The following ACAD8 variants were observed in gnomAD, a reference collection of about 807,000 sequenced individuals.
ACAD8 encodes acyl-CoA dehydrogenase family member 8.
A neutral mutation model predicts 53.1 loss-of-function variants in ACAD8; 47 were observed. That is an observed-to-expected ratio of 0.89 (90% confidence interval 0.70 to 1.13). The LOEUF is 1.13. ACAD8 is among the 50% of genes most tolerant of loss of function. ACAD8 has a pLI of 0.00. For missense variants in ACAD8, 494 were observed against 535.0 expected (o/e 0.92, Z 0.76); for synonymous variants, 198 against 201.3 (o/e 0.98, Z 0.14).
In ACAD8 at chr11:134,265,405, G is replaced by A. The variant is rs1417647944; in HGVS notation, c.*445G>A. The A allele has an allele frequency of 5.5e-6, 1 of 181,308 alleles. No individual in the cohort carries two copies. The highest frequency in any genetic ancestry group is 2.4e-5 in the African/African-American group (1 of 42,466). The allele number at this position is 181,308 out of a possible 1,614,324, so 11.2% of individuals were successfully genotyped here. Reference sequence around the variant, plus strand: ...AATGGAGGAATGCCCTCCTGTCTGTGTCGTTCTCTGTGCCACAGCTACAGA... The same window carrying A: ...AATGGAGGAATGCCCTCCTGTCTGTATCGTTCTCTGTGCCACAGCTACAGA... On this transcript the variant is annotated 3_prime_UTR_variant, in exon 11 of 11. Transcript: ENST00000281182.
chr11:134,255,534 G>C (rs1287086559), intron 1 of ACAD8, among the ~76,000 whole-genome samples: 1 of 152,196 alleles, frequency 6.6e-6, no homozygotes, highest in Non-Finnish European at 1.5e-5. Flanking sequence ...TACAGTAACA[G>C]CAACCCTTGT....
In ACAD8 at chr11:134,261,757, C is replaced by G. The variant is rs1939894017; in HGVS notation, c.959C>G (p.Ala320Gly). The G allele has an allele frequency of 1.2e-6, 2 of 1,613,862 alleles. No individual in the cohort carries two copies. The highest frequency in any genetic ancestry group is 1.7e-6 in the Non-Finnish European group (2 of 1,180,040). Reference protein sequence around the residue: ...ASNQYLQFTLADMATRLVAAR... With the variant: ...ASNQYLQFTLGDMATRLVAAR... ...CTGCAGTACTTGCAATTCACACTGGCTGATATGGCAACAAGGCTGGTGGCC... is the reference window on the plus strand; with the variant it reads ...CTGCAGTACTTGCAATTCACACTGGGTGATATGGCAACAAGGCTGGTGGCC... The change falls in exon 9 of 11, where the codon GCT becomes GGT. Residue 320 changes from alanine to glycine, a missense_variant. By Grantham distance (60) the Ala-to-Gly change is moderately conservative (BLOSUM62 0). Coordinates refer to ENST00000281182, the MANE Select transcript of ACAD8 (RefSeq NM_014384.3). The surrounding 1 kb of genome is among the most constrained non-coding windows in gnomAD (Gnocchi z 4.2).
chr11:134,253,686 G>T lies in ACAD8; in HGVS notation c.86G>T (p.Arg29Leu). 1 of 1,599,572 alleles carries T rather than the reference G, an allele frequency of 6.3e-7. No homozygotes were observed. Among genetic ancestry groups the T allele is most frequent in the East Asian group, 2.3e-5 (1 of 44,162 alleles). Residue 29 changes from arginine (R) to leucine (L), a missense_variant, in exon 1 of 11, where the codon CGG becomes CTG. Physicochemically the swap from Arg to Leu is moderately radical, Grantham distance 102. Coordinates refer to ENST00000281182, the MANE Select transcript of ACAD8 (RefSeq NM_014384.3). The stretch of plus-strand genomic sequence containing the variant: ...CGGGTCCTCGTCCAGACCGGCCACC[G>T]GAGCTTGACCTCCTGCATCGACCGT... ...GLRVLVQTGHRSLTSCIDPSM... is the reference protein window; with the variant it reads ...GLRVLVQTGHLSLTSCIDPSM...
chr11:134,259,173 T>G, intron 5 of ACAD8, 89 bp downstream of exon 5: 2 of 1,151,996 alleles, frequency 1.7e-6, no homozygotes, highest in Non-Finnish European at 2.6e-6. Flanking sequence ...CGCGGGTTAA[T>G]ACTCCCATAG....
rs781030199 is a variant in ACAD8 at position 134,262,008 on chromosome 11, C to G, written c.1092+118C>G. 72 of 1,239,816 alleles carry G rather than the reference C, an allele frequency of 5.8e-5. 1 individual carries two copies. The highest frequency in any genetic ancestry group is 7.9e-5 in the Non-Finnish European group (69 of 871,608). 76.8% of individuals were successfully genotyped at this position (1,239,816 alleles called of 1,614,324 possible). A position where few individuals can be genotyped will look rare whatever the true frequency, so the allele number is the denominator to read the frequency against. On this transcript the variant is annotated intron_variant, in intron 9 of 10. Coordinates refer to ENST00000281182, the MANE Select transcript of ACAD8 (RefSeq NM_014384.3). ...CCTCCTGGAATCCCACAAGGATCACCTTAAGCTTAAGGATATAAATGAACT... is the reference window on the plus strand; with the variant it reads ...CCTCCTGGAATCCCACAAGGATCACGTTAAGCTTAAGGATATAAATGAACT...
chr11:134,259,821 C>T lies in ACAD8; in HGVS notation c.705+76C>T. 3 of 1,609,266 alleles carry T rather than the reference C, an allele frequency of 1.9e-6. No homozygotes were observed. The South Asian group carries it at 3.3e-5, about 18-fold the overall frequency. On this transcript the variant is annotated intron_variant, in intron 6 of 10. Coordinates refer to ENST00000281182, the MANE Select transcript of ACAD8 (RefSeq NM_014384.3). The stretch of plus-strand genomic sequence containing the variant: ...TGCCAGCCCAACTCCTGCTCTATTT[C>T]AGAAAACAGGTTTGCATACTTGCTA...
At chr11:134,256,836 T>C (rs779123475) in intron 2 of ACAD8, 188 bp downstream of exon 2, 8 of 673,772 alleles carry the variant, frequency 1.2e-5, no homozygotes, top group Non-Finnish European at 2.0e-5. Context: ...AACTTTTTTT[T>C]TGTTAGTTGA....
rs372435194 is a variant in ACAD8, at chr11:134,256,531, T to C, written c.110-17T>C. On this transcript the variant is annotated splice_polypyrimidine_tract_variant and intron_variant, in intron 1 of 10. Transcript: ENST00000281182. Reference sequence around the variant, plus strand: ...ACTGACCCTGTCCTAGAACAGTATATGCAATCCTGCCCACAGCTTCCATGG... The same window carrying C: ...ACTGACCCTGTCCTAGAACAGTATACGCAATCCTGCCCACAGCTTCCATGG... 1,513 of 1,610,276 alleles carry C rather than the reference T, an allele frequency of 9.4e-4. 1 individual carries two copies. Among genetic ancestry groups the C allele is most frequent in the Non-Finnish European group, 1.2e-3 (1,457 of 1,176,614 alleles).
rs377263662 is a variant in ACAD8, at chr11:134,259,614, A to C, written c.574A>C (p.Ile192Leu). The change falls in exon 6 of 11, where the codon ATC becomes CTC. Residue 192 changes from isoleucine (I) to leucine (L), a missense_variant. Transcript: ENST00000281182. ...ACCCCTTTTACCCCCACAGGCCTTC[A>C]TCAGTGGTGCTGGTGAGTCAGACAT... ...HYILNGSKAF[I>L]SGAGESDIYV... is the part of the protein sequence containing the mutation. 1.2e-6 allele frequency: 2 copies of C among 1,614,090 alleles called. No homozygotes were observed. The highest frequency in any genetic ancestry group is 1.7e-6 in the Non-Finnish European group (2 of 1,179,976).
At chr11:134,262,935 A>C in intron 10 of ACAD8, 1 of 1,285,256 alleles carries the variant, frequency 7.8e-7, no homozygotes. Flanking sequence ...CTTTTCTCTA[A>C]GGTTATCGAG....
rs374584216 is a variant in ACAD8 at position 134,258,577 on chromosome 11, C to T, written c.443C>T (p.Pro148Leu). ...GAACAGAGGCACAAATTTTGCCCACCGCTCTGTACCATGGAGAAGTTTGCT... is the reference window on the plus strand; with the variant it reads ...GAACAGAGGCACAAATTTTGCCCACTGCTCTGTACCATGGAGAAGTTTGCT... ...NEEQRHKFCP[P>L]LCTMEKFASY... Residue 148 changes from proline (P) to leucine (L), a missense_variant, in exon 4 of 11, where the codon CCG (proline) becomes CTG (leucine). Transcript: ENST00000281182. 7.2e-5 allele frequency: 116 copies of T among 1,613,948 alleles called. No individual in the cohort carries two copies. Among genetic ancestry groups the T allele is most frequent in the Non-Finnish European group, 9.2e-5 (108 of 1,180,004 alleles).
intron 1 of ACAD8, among the ~76,000 whole-genome samples, chr11:134,254,165 A>C (rs1383622064): frequency 6.6e-6 from 1 of 152,206 alleles, no homozygotes; most frequent in Non-Finnish European, 1.5e-5. Flanking sequence ...GTTTTTAATC[A>C]TAACAGTAGG....
chr11:134,258,488 G>A, intron 3 of ACAD8, 27 bp from the exon 4 acceptor site: 1 of 1,507,376 alleles, frequency 6.6e-7, no homozygotes, highest in Non-Finnish European at 9.2e-7. Context: ...TTCTGTCATT[G>A]TCTTTTCTTC....
chr11:134,259,682 C>G lies in ACAD8; in HGVS notation c.642C>G (p.Gly214=), dbSNP rs757158583. The change falls in exon 6 of 11, where the codon GGC becomes GGG. Residue 214 remains glycine (G), a synonymous_variant. Transcript: ENST00000281182. Reference sequence around the variant, plus strand: ...GAACAGGAGGACCAGGCCCCAAGGGCATCTCATGCATAGTTGTTGAGAAGG... The same window carrying G: ...GAACAGGAGGACCAGGCCCCAAGGGGATCTCATGCATAGTTGTTGAGAAGG... ...MCRTGGPGPK[G]ISCIVVEKGT... is the part of the protein sequence containing the mutation. 3 of 1,614,202 alleles carry G rather than the reference C, an allele frequency of 1.9e-6. No individual in the cohort carries two copies. The highest frequency in any genetic ancestry group is 2.5e-6 in the Non-Finnish European group (3 of 1,180,030).
chr11:134,261,601 CTA>C lies in ACAD8; in HGVS notation c.940-134_940-133del. 1.3e-6 allele frequency: 2 copies of C among 1,547,904 alleles called. No homozygotes were observed. The highest frequency in any genetic ancestry group is 2.4e-5 in the South Asian group (2 of 84,346). ...AGCACTTAAAAGCAATAAATTTCCT[CTA>C]TAGAAAAAGCAAGAGACTTTGAAGC... On this transcript the variant is annotated intron_variant, in intron 8 of 10. Coordinates refer to ENST00000281182, the MANE Select transcript of ACAD8 (RefSeq NM_014384.3). This position sits in a 1 kb window ranked among gnomAD's most constrained non-coding sequence, Gnocchi z 4.2.
chr11:134,254,303 C>T (rs1338398544), intron 1 of ACAD8, among the ~76,000 whole-genome samples: 1 of 152,166 alleles, frequency 6.6e-6, no homozygotes, highest in African/African-American at 2.4e-5. Flanking sequence ...GGCTATAAGA[C>T]ACTTTTAGTG....
At position 134,253,774 on chromosome 11, in the gene ACAD8, G is replaced by C. The variant is rs1939271304; in HGVS notation, c.109+65G>C. On this transcript the variant is annotated intron_variant, in intron 1 of 10. Transcript: ENST00000281182. ...ACCCCGGCGGACATATGTCCGCGAG[G>C]GGCTGCAGTCTCCCCGTTCCATCCA... 11 of 1,460,076 alleles carry C rather than the reference G, an allele frequency of 7.5e-6. 1 individual carries two copies. Among genetic ancestry groups the C allele is most frequent in the Non-Finnish European group, 9.4e-6 (10 of 1,069,482 alleles). 90.4% of individuals were successfully genotyped at this position (1,460,076 alleles called of 1,614,324 possible).
chr11:134,259,065 A>G lies in ACAD8; in HGVS notation c.548A>G (p.Tyr183Cys). Residue 183 changes from tyrosine (Y) to cysteine (C), a missense_variant, in exon 5 of 11, where the codon TAC becomes TGC. Tyr to Cys is a radical substitution (Grantham distance 194, BLOSUM62 -2). Coordinates refer to ENST00000281182, the MANE Select transcript of ACAD8 (RefSeq NM_014384.3). ...LTSAKKQGDH[Y>C]ILNGSKAFIS... ...TCCGCTAAGAAACAGGGAGATCATT[A>G]CATCCTCAATGGCTCCAAGGTACTA... is the stretch of plus-strand genomic sequence containing the variant. 6.2e-7 allele frequency: 1 copy of G among 1,614,168 alleles called. No homozygotes were observed. The highest frequency in any genetic ancestry group is 8.5e-7 in the Non-Finnish European group (1 of 1,180,030).
Position 134,259,602 on chromosome 11 carries a change from C to G in ACAD8, c.568-6C>G. On this transcript the variant is annotated splice_region_variant and splice_polypyrimidine_tract_variant and intron_variant, in intron 5 of 10. Transcript: ENST00000281182. ...TGGTCCTTTTGCACCCCTTTTACCC[C>G]CACAGGCCTTCATCAGTGGTGCTGG... 1 of 1,614,096 alleles carries G rather than the reference C, an allele frequency of 6.2e-7. No homozygotes were observed. Among genetic ancestry groups the G allele is most frequent in the Non-Finnish European group, 8.5e-7 (1 of 1,179,988 alleles).
Sources: gnomAD v4.1 joint callset for allele counts (sites outside exome capture counted in the v4.1 genomes callset) on GRCh38, gnomAD v4.1.1 for gene constraint, Gnocchi (gnomAD v3.1) non-coding constraint, MANE v1.5 for transcripts, NCBI Gene and HGNC (gene_info 2026-07-23, HGNC 2026-07-21) for gene names.